Variants in SETBP1 observed in about 807,000 individuals in gnomAD.
SETBP1 encodes SET binding protein 1.
SETBP1 carries 9 observed loss-of-function variants against 101.0 expected under a neutral mutation model. That is an observed-to-expected ratio of 0.09 (90% CI 0.05 to 0.16). SETBP1 has a LOEUF of 0.16. Ranked by LOEUF, SETBP1 falls within the 10% of genes least tolerant of loss-of-function variation. SETBP1 has a pLI of 1.00. For missense variants in SETBP1, 1,858 were observed against 2,033.8 expected (o/e 0.91, Z 1.66); for synonymous variants, 818 against 788.5 (o/e 1.04, Z -0.63).
chr18:44,865,844 T>C (rs1352045307), intron 2 of SETBP1, among the ~76,000 whole-genome samples: 1 of 152,218 alleles, frequency 6.6e-6, no homozygotes, highest in Non-Finnish European at 1.5e-5. Flanking sequence ...GTCACAAGCC[T>C]TGCCTTTGGT....
At position 44,938,716 on chromosome 18, in the gene SETBP1, C is replaced by T. The variant is rs551737539; in HGVS notation, c.541-11165C>T. 8.5e-5 allele frequency among the ~76,000 whole-genome samples: 13 copies of T among 152,282 alleles called. No individual in the cohort carries two copies. In the South Asian group the frequency reaches 2.7e-3, roughly 32 times the overall value. The stretch of plus-strand genomic sequence containing the variant: ...CGGGCTTCACCTTTCTCCCTGGTGG[C>T]CCAGGTTAGGGAAAACACCAGGATG... On this transcript the variant is annotated intron_variant, in intron 3 of 5. Transcript: ENST00000649279.
chr18:44,861,342 C>T (rs915991475), intron 2 of SETBP1, among the ~76,000 whole-genome samples: 3 of 146,902 alleles, frequency 2.0e-5, no homozygotes, highest in Non-Finnish European at 3.0e-5. Flanking sequence ...AAGTTCATGC[C>T]GTTCTCCTGC....
At chr18:44,750,792 A>G (rs1215756192) in intron 2 of SETBP1, among the ~76,000 whole-genome samples, 1 of 152,224 alleles carries the variant, frequency 6.6e-6, no homozygotes, top group Non-Finnish European at 1.5e-5. Flanking sequence ...GCTAGGTCAT[A>G]AAAAATATCA....
At chr18:44,857,667 C>A (rs1210504119) in intron 2 of SETBP1, among the ~76,000 whole-genome samples, 1 of 152,156 alleles carries the variant, frequency 6.6e-6, no homozygotes, top group Non-Finnish European at 1.5e-5. Flanking sequence ...ATTCATTTTG[C>A]TCAGTCTCAG....
chr18:44,778,864 A>G (rs1236734738), intron 2 of SETBP1, among the ~76,000 whole-genome samples: 2 of 152,362 alleles, frequency 1.3e-5, no homozygotes, highest in East Asian at 3.9e-4. Context: ...GCCAAGGTCT[A>G]TTTACTCAGC....
At chr18:45,044,682 G>A (rs1199477100) in intron 5 of SETBP1, among the ~76,000 whole-genome samples, 1 of 152,118 alleles carries the variant, frequency 6.6e-6, no homozygotes, top group African/African-American at 2.4e-5. Flanking sequence ...CATCTCCTTG[G>A]AAATCTGAAC....
intron 2 of SETBP1, among the ~76,000 whole-genome samples, chr18:44,868,712 G>GAGGAAGGA (rs67399583): frequency 1.1e-4 from 3 of 27,868 alleles, no homozygotes; most frequent in East Asian, 7.9e-4. Context: ...GGAAGGAAGG[G>GAGGAAGGA]AGGAAGGAAG....
At chr18:45,001,451 C>T (rs2072617493) in intron 4 of SETBP1, among the ~76,000 whole-genome samples, 1 of 152,186 alleles carries the variant, frequency 6.6e-6, no homozygotes, top group Non-Finnish European at 1.5e-5. Context: ...CCAATACTGA[C>T]TCCCAGTAAG....
intron 2 of SETBP1, among the ~76,000 whole-genome samples, chr18:44,812,483 TGCACTATTTTATTAAATGAACA>T (rs1283213333): frequency 6.6e-6 from 1 of 152,162 alleles, no homozygotes; most frequent in Admixed American, 6.5e-5. Flanking sequence ...ACTTGTGGGT[TGCACTATTTTATTAAATGAACA>T]ATAATTAATT....
At chr18:44,869,631 C>T (rs1329071738) in intron 3 of SETBP1, 1 of 356,756 alleles carries the variant, frequency 2.8e-6, no homozygotes, top group Non-Finnish European at 5.5e-6. Flanking sequence ...CCCTGCATTT[C>T]TCTCTTTTTG....
chr18:44,960,634 G>A (rs1000280168), intron 4 of SETBP1, among the ~76,000 whole-genome samples: 2 of 152,164 alleles, frequency 1.3e-5, no homozygotes, highest in African/African-American at 2.4e-5. Flanking sequence ...GTGAGCCAGT[G>A]TGCCTGGCCA....
chr18:45,029,280 A>G (rs2073238641), intron 4 of SETBP1, among the ~76,000 whole-genome samples: 1 of 152,086 alleles, frequency 6.6e-6, no homozygotes, highest in Non-Finnish European at 1.5e-5. Flanking sequence ...TCCTTTCCCC[A>G]TTGCTTGTTT....
intron 4 of SETBP1, among the ~76,000 whole-genome samples, chr18:44,958,125 A>C (rs2071532023): frequency 1.3e-5 from 2 of 152,228 alleles, no homozygotes; most frequent in African/African-American, 4.8e-5. Context: ...TAATAGTTGA[A>C]GATTCTAAAA....
chr18:44,907,970 C>G (rs61550733), intron 3 of SETBP1, among the ~76,000 whole-genome samples: 2 of 152,048 alleles, frequency 1.3e-5, no homozygotes, highest in South Asian at 4.1e-4. Flanking sequence ...TTAGCTCTTG[C>G]CTTTAGGTTT....
intron 5 of SETBP1, among the ~76,000 whole-genome samples, chr18:45,058,621 T>C (rs1189864503): frequency 1.3e-5 from 2 of 152,246 alleles, no homozygotes; most frequent in East Asian, 1.9e-4. Flanking sequence ...TCGTTTCTAC[T>C]GTACCATACT....
intron 5 of SETBP1, among the ~76,000 whole-genome samples, chr18:45,046,208 A>G (rs7230961): frequency 0.02 from 3,043 of 152,330 alleles, 73 homozygotes; most frequent in Non-Finnish European, 0.027. Flanking sequence ...ACAATAAGTA[A>G]TTGCTAAATA....
chr18:44,718,393 G>A (rs1201514966), intron 2 of SETBP1, among the ~76,000 whole-genome samples: 2 of 152,166 alleles, frequency 1.3e-5, no homozygotes, highest in Admixed American at 6.5e-5. Flanking sequence ...GTGAGAGCAG[G>A]AGGAGCGGGA....
intron 3 of SETBP1, among the ~76,000 whole-genome samples, chr18:44,904,231 C>T (rs1192302660): frequency 2.0e-5 from 3 of 152,156 alleles, no homozygotes; most frequent in Non-Finnish European, 1.5e-5. Flanking sequence ...TGAATTACTC[C>T]TCTGTGACTA....
At chr18:45,016,731 GCACA>G (rs60965207) in intron 4 of SETBP1, among the ~76,000 whole-genome samples, 24,131 of 122,320 alleles carry the variant, frequency 0.2, 2,526 homozygotes, top group East Asian at 0.42. Context: ...ATTGGTGCGC[GCACA>G]CACACACACA....
Sources: allele counts gnomAD v4.1 joint callset (sites outside exome capture counted in the v4.1 genomes callset), GRCh38; gene constraint gnomAD v4.1.1; transcripts MANE v1.5; gene names NCBI Gene and HGNC (gene_info 2026-07-23, HGNC 2026-07-21).